Variants in CDIN1 observed in about 807,000 individuals in gnomAD.
CDIN1 encodes the protein CDAN1-interacting nuclease 1.
CDIN1 carries 33 observed loss-of-function variants against 45.3 expected under a neutral mutation model. The ratio of observed to expected loss-of-function variants is 0.73; its 90% confidence interval spans 0.55 to 0.97. The LOEUF (loss-of-function observed/expected upper bound fraction) is 0.97. Ranked by LOEUF, CDIN1 falls within the 50% of genes least tolerant of loss-of-function variation. The pLI is 0.00. For missense variants in CDIN1, 303 were observed against 339.4 expected, an observed-to-expected ratio of 0.89 and a Z score of 0.84; for synonymous variants, 118 against 124.4, an observed-to-expected ratio of 0.95 and a Z score of 0.34.
intron 1 of CDIN1, among the ~76,000 whole-genome samples, chr15:36,636,767 G>A (rs944149673): frequency 6.6e-6 from 1 of 152,116 alleles, no homozygotes; most frequent in Non-Finnish European, 1.5e-5. Context: ...CAATAATGTT[G>A]TAGTGTTTTT....
rs904642666 is a variant in CDIN1, at chr15:36,809,047, A to T, written c.*594A>T. ...AGCCTGCCTATGCTGTGTGTTTGCT[A>T]TATTCAATCTTTACGGCTTCCTGAC... On this transcript the variant is annotated 3_prime_UTR_variant, in exon 11 of 11. Transcript: ENST00000566621. The T allele has an allele frequency of 4.7e-6, 2 of 429,886 alleles. No homozygotes were observed. Among genetic ancestry groups the T allele is most frequent in the Non-Finnish European group, 9.4e-6 (2 of 212,968 alleles). The allele number at this position is 429,886 out of a possible 1,614,324, so 26.6% of individuals were successfully genotyped here. A position where few individuals can be genotyped will look rare whatever the true frequency, so the allele number is the denominator to read the frequency against.
intron 3 of CDIN1, among the ~76,000 whole-genome samples, chr15:36,652,157 A>C (rs1199540375): frequency 6.6e-6 from 1 of 152,128 alleles, no homozygotes; most frequent in African/African-American, 2.4e-5. Context: ...TTTACATTTT[A>C]TTCTAGCATA....
At chr15:36,659,966 C>CTTTTTTTTTTTTTTTTTTT (rs778988517) in intron 5 of CDIN1, among the ~76,000 whole-genome samples, 5 of 105,130 alleles carry the variant, frequency 4.8e-5, no homozygotes, top group Non-Finnish European at 9.1e-5. Flanking sequence ...CCTTCCTTTT[C>CTTTTTTTTTTTTTTTTTTT]TTTTTTTTTT....
chr15:36,785,344 T>C (rs533019657), intron 10 of CDIN1, among the ~76,000 whole-genome samples: 47 of 152,280 alleles, frequency 3.1e-4, no homozygotes, highest in Non-Finnish European at 5.9e-4. Context: ...CTAGGCTCTG[T>C]GTTAACCAAA....
At chr15:36,673,314 T>C (rs2041520648) in intron 5 of CDIN1, among the ~76,000 whole-genome samples, 1 of 152,102 alleles carries the variant, frequency 6.6e-6, no homozygotes, top group African/African-American at 2.4e-5. Context: ...GCTCTGAGAT[T>C]CATCATGGAA....
At chr15:36,752,885 C>T (rs1024345242) in intron 10 of CDIN1, among the ~76,000 whole-genome samples, 1 of 152,104 alleles carries the variant, frequency 6.6e-6, no homozygotes, top group African/African-American at 2.4e-5. Flanking sequence ...TCACTATTCC[C>T]AGCTTAAACA....
chr15:36,777,182 T>G (rs1322421050), intron 10 of CDIN1, among the ~76,000 whole-genome samples: 2 of 152,158 alleles, frequency 1.3e-5, no homozygotes. Flanking sequence ...TCAGCAATAT[T>G]TACTGAGCCC....
At chr15:36,703,840 A>G (rs781218288) in intron 8 of CDIN1, among the ~76,000 whole-genome samples, 2 of 152,158 alleles carry the variant, frequency 1.3e-5, no homozygotes, top group African/African-American at 4.8e-5. Context: ...TTCTAACATC[A>G]GTGACTACAG....
At chr15:36,787,806 C>G (rs2054529777) in intron 10 of CDIN1, among the ~76,000 whole-genome samples, 1 of 151,384 alleles carries the variant, frequency 6.6e-6, no homozygotes, top group Admixed American at 6.6e-5. Context: ...AATATATAGC[C>G]ATAGGAATCA....
chr15:36,600,463 G>C (rs1342853782), intron 1 of CDIN1, among the ~76,000 whole-genome samples: 1 of 152,198 alleles, frequency 6.6e-6, no homozygotes, highest in African/African-American at 2.4e-5. Context: ...AATAATGGAT[G>C]TTGAGCAAAT....
Position 36,605,209 on chromosome 15 carries a change from T to C in CDIN1, c.101+25248T>C, listed in dbSNP as rs535018750. 2.2e-4 allele frequency among the ~76,000 whole-genome samples: 34 copies of C among 152,338 alleles called. No homozygotes were observed. The South Asian group carries it at 4.6e-3, about 20-fold the overall frequency. On this transcript the variant is annotated intron_variant, in intron 1 of 10. Transcript: ENST00000566621. ...TCATTGTCAGTGTGTATAATACTTT[T>C]GTAAAGGATTAACAGATTAAAGGAG...
rs181277489 is a variant in CDIN1, at chr15:36,592,224, T to C, written c.101+12263T>C. 9.8e-5 allele frequency among the ~76,000 whole-genome samples: 15 copies of C among 152,356 alleles called. No homozygotes were observed. In the East Asian group the frequency reaches 2.7e-3, roughly 27 times the overall value. ...AATTTGGCCTACAGCCAGTGGATGC[T>C]GGTGCTCTTTCCAGCTTGTGAGAGC... On this transcript the variant is annotated intron_variant, in intron 1 of 10. Transcript: ENST00000566621.
At chr15:36,581,062 G>A (rs2037018674) in intron 1 of CDIN1, among the ~76,000 whole-genome samples, 1 of 152,180 alleles carries the variant, frequency 6.6e-6, no homozygotes, top group African/African-American at 2.4e-5. Flanking sequence ...ATTTGATTTA[G>A]GGCAATATTT....
At chr15:36,601,800 A>T (rs2038119122) in intron 1 of CDIN1, among the ~76,000 whole-genome samples, 1 of 152,188 alleles carries the variant, frequency 6.6e-6, no homozygotes, top group Admixed American at 6.5e-5. Context: ...AGTGAGCTCT[A>T]CCATTGTACT....
At chr15:36,739,280 C>T (rs1209546696) in intron 10 of CDIN1, among the ~76,000 whole-genome samples, 1 of 152,216 alleles carries the variant, frequency 6.6e-6, no homozygotes, top group Non-Finnish European at 1.5e-5. Context: ...TGGCATGTGC[C>T]TGTAGTTCCA....
chr15:36,614,043 T>G (rs2038772756), intron 1 of CDIN1: 6 of 1,152,980 alleles, frequency 5.2e-6, no homozygotes, highest in Non-Finnish European at 7.8e-6. Context: ...AGATCAAGAT[T>G]CTACTGATAA....
chr15:36,738,352 T>C (rs2044109957), intron 10 of CDIN1, among the ~76,000 whole-genome samples: 1 of 152,286 alleles, frequency 6.6e-6, no homozygotes, highest in East Asian at 1.9e-4. Context: ...GTTTTGACAA[T>C]TCTGTCTTTC....
Position 36,810,081 on chromosome 15 carries a change from G to C in CDIN1, c.*1628G>C, listed in dbSNP as rs148201551. 4.1e-4 allele frequency: 62 copies of C among 151,976 alleles called. 1 individual carries two copies. The highest frequency in any genetic ancestry group is 1.3e-3 in the African/African-American group (54 of 41,474). 9.4% of individuals were successfully genotyped at this position (151,976 alleles called of 1,614,324 possible). ...CACACTTTATACAAAAATGTTAAAA[G>C]CAGGTTTCCTGGCATGTTCTAAACT... is the stretch of plus-strand genomic sequence containing the variant. On this transcript the variant is annotated 3_prime_UTR_variant, in exon 11 of 11. Coordinates refer to ENST00000566621, the MANE Select transcript of CDIN1 (RefSeq NM_001321759.2).
intron 1 of CDIN1, among the ~76,000 whole-genome samples, chr15:36,591,516 A>G (rs539737707): frequency 9.2e-5 from 14 of 152,208 alleles, no homozygotes; most frequent in Non-Finnish European, 1.8e-4. Context: ...TGAAGTTAAA[A>G]TTATCTAGAT....
Sources: gnomAD v4.1 joint callset for allele counts (sites outside exome capture counted in the v4.1 genomes callset) on GRCh38, gnomAD v4.1.1 for gene constraint, MANE v1.5 for transcripts, NCBI Gene and HGNC (gene_info 2026-07-23, HGNC 2026-07-21) for gene names.